RBFOX3: variants seen among roughly 807,000 people sequenced by gnomAD.
RBFOX3 encodes the protein RNA binding fox-1 homolog 3.
A neutral mutation model predicts 48.7 loss-of-function variants in RBFOX3; 17 were observed. That is an observed-to-expected ratio of 0.35 (90% CI 0.24 to 0.52). The LOEUF (loss-of-function observed/expected upper bound fraction) is 0.52. RBFOX3 is among the 20% of genes least tolerant of loss of function. The pLI is 0.94. For missense variants in RBFOX3, 382 were observed against 497.5 expected (o/e 0.77, Z 2.21); for synonymous variants, 212 against 209.5 (o/e 1.01, Z -0.10).
the RBFOX3 span, among the ~76,000 whole-genome samples, chr17:79,658,844 G>A: frequency 2.6e-5 from 4 of 152,182 alleles, no homozygotes; most frequent in African/African-American, 7.2e-5. Context: ...GACACAGACA[G>A]GAAGCCTACA....
chr17:79,417,419 G>C (rs1243581736), intron 2 of RBFOX3, among the ~76,000 whole-genome samples: 1 of 152,206 alleles, frequency 6.6e-6, no homozygotes, highest in Admixed American at 6.5e-5. Flanking sequence ...CCAGCGGCCT[G>C]GCTTGTCCCT....
At chr17:79,597,773 C>A (rs1327018146) in intron 1 of RBFOX3, among the ~76,000 whole-genome samples, 2 of 152,206 alleles carry the variant, frequency 1.3e-5, no homozygotes, top group African/African-American at 4.8e-5. Context: ...GGAGCAGACA[C>A]CCCCAAAAGC....
intron 1 of RBFOX3, among the ~76,000 whole-genome samples, chr17:79,594,671 C>G (rs1008506666): frequency 1.1e-4 from 16 of 152,238 alleles, no homozygotes; most frequent in African/African-American, 3.9e-4. Context: ...TTTTTAAATA[C>G]AGAACTGTAC....
the RBFOX3 span, among the ~76,000 whole-genome samples, chr17:79,648,607 C>T: frequency 6.6e-6 from 1 of 152,236 alleles, no homozygotes; most frequent in Non-Finnish European, 1.5e-5. Context: ...ACCTGGCCAC[C>T]TCTGCCTCGT....
intron 2 of RBFOX3, among the ~76,000 whole-genome samples, chr17:79,472,550 G>C (rs907799111): frequency 1.5e-4 from 23 of 152,322 alleles, no homozygotes; most frequent in Admixed American, 2.6e-4. Context: ...ATAAGGAGAA[G>C]ATGACCATCT....
intron 1 of RBFOX3, among the ~76,000 whole-genome samples, chr17:79,590,273 T>C (rs2093379774): frequency 6.6e-6 from 1 of 152,144 alleles, no homozygotes; most frequent in Admixed American, 6.5e-5. Context: ...ATTTGGAAAC[T>C]TTCACATTAC....
intron 4 of RBFOX3, among the ~76,000 whole-genome samples, chr17:79,227,999 G>A (rs1340284165): frequency 1.3e-5 from 2 of 152,208 alleles, no homozygotes; most frequent in East Asian, 3.9e-4. Context: ...CCTGCGGTCA[G>A]CGTCAATGTA....
chr17:79,263,646 C>T (rs1025646949), intron 3 of RBFOX3, among the ~76,000 whole-genome samples: 2 of 152,178 alleles, frequency 1.3e-5, no homozygotes, highest in Admixed American at 1.3e-4. Context: ...CCAAATGCCA[C>T]CACACCCCCT....
In RBFOX3 at chr17:79,421,801, C is replaced by CAG. The variant is rs1598620327; in HGVS notation, c.-175+60651_-175+60652dup. Among the ~76,000 whole-genome samples, 5 of 152,126 alleles carry CAG rather than the reference C, an allele frequency of 3.3e-5. No homozygotes were observed. The East Asian group carries it at 9.7e-4, about 30-fold the overall frequency. ...TCTCCTTGAGGCCTTGGGACAAGGG[C>CAG]AGAGAGAGAGAAGGGGAAGGAAGTG... On this transcript the variant is annotated intron_variant, in intron 2 of 14. Coordinates refer to ENST00000693108, the MANE Select transcript of RBFOX3 (RefSeq NM_001350451.2). The surrounding 1 kb of genome is among the most constrained non-coding windows in gnomAD (Gnocchi z 4.5).
chr17:79,246,547 A>G (rs1041905679), intron 3 of RBFOX3, among the ~76,000 whole-genome samples: 2 of 152,222 alleles, frequency 1.3e-5, no homozygotes, highest in African/African-American at 2.4e-5. Flanking sequence ...AGAGTTCAGC[A>G]ATGATGGTGT....
intron 4 of RBFOX3, among the ~76,000 whole-genome samples, chr17:79,138,066 G>C (rs1477433635): frequency 6.6e-6 from 1 of 152,088 alleles, no homozygotes; most frequent in African/African-American, 2.4e-5. Flanking sequence ...GCACACACAC[G>C]CCCACTCACG....
intron 2 of RBFOX3, among the ~76,000 whole-genome samples, chr17:79,310,481 C>A: frequency 6.6e-6 from 1 of 152,202 alleles, no homozygotes; most frequent in East Asian, 1.9e-4. Context: ...CCAGTAGAGG[C>A]TCCCATGGGC....
At chr17:79,597,749 C>G (rs936959848) in intron 1 of RBFOX3, among the ~76,000 whole-genome samples, 1 of 152,186 alleles carries the variant, frequency 6.6e-6, no homozygotes, top group Non-Finnish European at 1.5e-5. Context: ...ACAGACTCAC[C>G]CTGTGGCCAG....
At chr17:79,566,462 G>A (rs1372891325) in intron 1 of RBFOX3, among the ~76,000 whole-genome samples, 2 of 152,176 alleles carry the variant, frequency 1.3e-5, no homozygotes, top group South Asian at 2.1e-4. Context: ...GCCCAGCACC[G>A]CATCCATCCA....
At chr17:79,093,822 CACACAG>C (rs1417779118) in intron 14 of RBFOX3, among the ~76,000 whole-genome samples, 36 of 148,484 alleles carry the variant, frequency 2.4e-4, no homozygotes, top group African/African-American at 7.8e-4. Flanking sequence ...CACACACACA[CACACAG>C]AGACACGCCA....
At chr17:79,094,357 G>T in intron 14 of RBFOX3, 94 bp downstream of exon 14, 2 of 878,778 alleles carry the variant, frequency 2.3e-6, no homozygotes, top group Non-Finnish European at 3.3e-6. Flanking sequence ...CCAAGGCATT[G>T]GTCAGAGGGC....
intron 1 of RBFOX3, among the ~76,000 whole-genome samples, chr17:79,511,293 G>T (rs2084154183): frequency 6.6e-6 from 1 of 152,196 alleles, no homozygotes; most frequent in Non-Finnish European, 1.5e-5. Context: ...GTGTCGTGGG[G>T]TGTCATGCAG....
chr17:79,275,790 C>G (rs1051803748), intron 3 of RBFOX3, among the ~76,000 whole-genome samples: 8 of 152,212 alleles, frequency 5.3e-5, no homozygotes, highest in Non-Finnish European at 1.0e-4. Flanking sequence ...GGCCCTCGGG[C>G]TGGGCTTGGA....
chr17:79,504,086 C>G (rs1377170984), intron 1 of RBFOX3, among the ~76,000 whole-genome samples: 1 of 152,150 alleles, frequency 6.6e-6, no homozygotes, highest in Non-Finnish European at 1.5e-5. Flanking sequence ...GCACCGTCCC[C>G]TGAGAGAGTT....
Sources: allele counts gnomAD v4.1 joint callset (sites outside exome capture counted in the v4.1 genomes callset), GRCh38; gene constraint gnomAD v4.1.1; non-coding constraint Gnocchi (gnomAD v3.1); transcripts MANE v1.5; gene names NCBI Gene and HGNC (gene_info 2026-07-23, HGNC 2026-07-21).